Variants in VWA3B observed in about 807,000 individuals in gnomAD.
VWA3B encodes the protein von Willebrand factor A domain containing 3B, also known as von Willebrand factor A domain-containing protein 3B.
In VWA3B, 138 loss-of-function variants were observed where a neutral mutation model predicts 158.3. The ratio of observed to expected loss-of-function variants is 0.87; its 90% confidence interval spans 0.76 to 1.00. The LOEUF (loss-of-function observed/expected upper bound fraction) is 1.00, where lower values mean the gene tolerates loss of function less well. Ranked by LOEUF, VWA3B falls within the 50% of genes least tolerant of loss-of-function variation. The pLI is 0.00. For synonymous variants in VWA3B, 596 were observed against 587.3 expected (o/e 1.01, Z -0.21); for missense variants, 1,555 against 1,565.1 (o/e 0.99, Z 0.11).
At chr2:98,231,823 G>C (rs1328774607) in intron 16 of VWA3B, among the ~76,000 whole-genome samples, 1 of 152,188 alleles carries the variant, frequency 6.6e-6, no homozygotes, top group African/African-American at 2.4e-5. Flanking sequence ...AAGCAGCCTT[G>C]TATATCTTGG....
At position 98,290,657 on chromosome 2, in the gene VWA3B, G is replaced by T. The variant is rs771767897; in HGVS notation, c.3157+35G>T. ...TTTTTTTTAATTTCGTGAGGCTTTTGTTAAATAATTTGATACTAGGGACAA... is the reference window on the plus strand; with the variant it reads ...TTTTTTTTAATTTCGTGAGGCTTTTTTTAAATAATTTGATACTAGGGACAA... On this transcript the variant is annotated intron_variant, in intron 23 of 27. Coordinates refer to ENST00000477737, the MANE Select transcript of VWA3B (RefSeq NM_144992.5). 4.9e-6 allele frequency: 7 copies of T among 1,429,592 alleles called. No homozygotes were observed. The African/African-American group carries it at 1.0e-4, about 21-fold the overall frequency. The allele number at this position is 1,429,592 out of a possible 1,614,324, so 88.6% of individuals were successfully genotyped here.
chr2:98,112,656 A>G (rs1272889475), intron 2 of VWA3B, among the ~76,000 whole-genome samples: 1 of 151,766 alleles, frequency 6.6e-6, no homozygotes, highest in Non-Finnish European at 1.5e-5. Context: ...CACTGGATTT[A>G]TCGAGCTTCT....
At chr2:98,129,352 AAG>A (rs758598269) in intron 6 of VWA3B, among the ~76,000 whole-genome samples, 5 of 148,214 alleles carry the variant, frequency 3.4e-5, no homozygotes, top group East Asian at 2.0e-4. Flanking sequence ...GAGACGGAGA[AAG>A]AGAGAGAGAC....
At chr2:98,219,258 G>A (rs1279939783) in intron 14 of VWA3B, among the ~76,000 whole-genome samples, 8 of 152,164 alleles carry the variant, frequency 5.3e-5, no homozygotes. Flanking sequence ...TCTTGTAACT[G>A]TGGGGGAGAC....
chr2:98,181,154 C>G lies in VWA3B; in HGVS notation c.1253C>G (p.Ala418Gly). Reference protein sequence around the residue: ...DVLADCSFRHADGVVDIKAKP... With the variant: ...DVLADCSFRHGDGVVDIKAKP... ...CTTGCCGACTGCTCTTTCCGCCACG[C>G]TGATGGGGTTGTGGATATAAAAGCC... Residue 418 changes from alanine to glycine, a missense_variant, in exon 9 of 28, where the codon GCT (alanine) becomes GGT (glycine). Physicochemically the swap from Ala to Gly is moderately conservative, Grantham distance 60 (BLOSUM62 0). Transcript: ENST00000477737. 1 of 1,614,210 alleles carries G rather than the reference C, an allele frequency of 6.2e-7. No individual in the cohort carries two copies. The highest frequency in any genetic ancestry group is 8.5e-7 in the Non-Finnish European group (1 of 1,180,038).
chr2:98,302,962 A>G (rs1337993340), intron 25 of VWA3B, among the ~76,000 whole-genome samples: 2 of 152,186 alleles, frequency 1.3e-5, no homozygotes, highest in Non-Finnish European at 2.9e-5. Flanking sequence ...ATCACCCCAG[A>G]AAAAAACCCC....
At chr2:98,199,707 C>T (rs1682368731) in intron 12 of VWA3B, among the ~76,000 whole-genome samples, 2 of 152,178 alleles carry the variant, frequency 1.3e-5, no homozygotes, top group Non-Finnish European at 2.9e-5. Context: ...TGAAGACAGA[C>T]AGTATTTCTG....
rs562427318 is a variant in VWA3B at position 98,215,855 on chromosome 2, C to A, written c.1837-1991C>A. Among the ~76,000 whole-genome samples, 27 of 152,152 alleles carry A rather than the reference C, an allele frequency of 1.8e-4. No homozygotes were observed. In the East Asian group the frequency reaches 4.4e-3, roughly 25 times the overall value. ...TGAGGACTTCCGAATTCAACACCTG[C>A]AAAAAGACTGCCCTTTCGACACACG... is the stretch of plus-strand genomic sequence containing the variant. On this transcript the variant is annotated intron_variant, in intron 13 of 27. Transcript: ENST00000477737.
chr2:98,287,126 TG>T (rs1405808165), intron 22 of VWA3B, among the ~76,000 whole-genome samples: 1 of 152,134 alleles, frequency 6.6e-6, no homozygotes, highest in Non-Finnish European at 1.5e-5. Flanking sequence ...GGAAAATTTT[TG>T]TATTCTTTCT....
chr2:98,275,844 G>C (rs991963888), intron 22 of VWA3B, among the ~76,000 whole-genome samples: 1 of 152,242 alleles, frequency 6.6e-6, no homozygotes, highest in Non-Finnish European at 1.5e-5. Flanking sequence ...AATTTGCAGT[G>C]GGTAGAAGGG....
In VWA3B at chr2:98,236,410, G is replaced by A. The variant is rs1157162506; in HGVS notation, c.2449G>A (p.Glu817Lys). ...CACAGAAATGAGCATCTTGCTGGCT[G>A]AGGAGTGGCTGGATGACAAATCGTC... ...SDKEMSILLA[E>K]EWLDDKSSEK... The change falls in exon 18 of 28, where the codon GAG (glutamate) becomes AAG (lysine). Residue 817 changes from glutamate (E) to lysine (K), a missense_variant. Physicochemically the swap from Glu to Lys is moderately conservative, Grantham distance 56. Coordinates refer to ENST00000477737, the MANE Select transcript of VWA3B (RefSeq NM_144992.5). 20 of 1,614,228 alleles carry A rather than the reference G, an allele frequency of 1.2e-5. No individual in the cohort carries two copies. Among genetic ancestry groups the A allele is most frequent in the Non-Finnish European group, 1.5e-5 (18 of 1,180,040 alleles).
chr2:98,090,851 G>C (rs1559524049), intron 1 of VWA3B, among the ~76,000 whole-genome samples: 1 of 151,768 alleles, frequency 6.6e-6, no homozygotes, highest in Non-Finnish European at 1.5e-5. Context: ...GAACTCCTGG[G>C]CTCAAGCAAT....
At chr2:98,228,636 C>T (rs1477088030) in intron 15 of VWA3B, among the ~76,000 whole-genome samples, 1 of 152,134 alleles carries the variant, frequency 6.6e-6, no homozygotes, top group Non-Finnish European at 1.5e-5. Context: ...GGAGCTCTGA[C>T]TCAGGGATCA....
At chr2:98,091,850 A>G (rs1682315359) in intron 1 of VWA3B, among the ~76,000 whole-genome samples, 1 of 152,232 alleles carries the variant, frequency 6.6e-6, no homozygotes, top group South Asian at 2.1e-4. Context: ...TGAATTCTGG[A>G]TACAGAAGTA....
At chr2:98,327,823 A>T in the VWA3B span, among the ~76,000 whole-genome samples, 3 of 152,230 alleles carry the variant, frequency 2.0e-5, no homozygotes, top group Non-Finnish European at 4.4e-5. Flanking sequence ...TGCTTGTTTT[A>T]AAAAACAAGC....
At chr2:98,221,564 G>A (rs541958790) in intron 14 of VWA3B, among the ~76,000 whole-genome samples, 12 of 152,296 alleles carry the variant, frequency 7.9e-5, no homozygotes, top group Admixed American at 5.9e-4. Context: ...CCATCCCTAC[G>A]TGGTGGAAGC....
intron 7 of VWA3B, among the ~76,000 whole-genome samples, chr2:98,157,759 A>C (rs1190368434): frequency 6.6e-6 from 1 of 152,202 alleles, no homozygotes; most frequent in Non-Finnish European, 1.5e-5. Flanking sequence ...TCTTCACCGG[A>C]GAGTCCTGGG....
chr2:98,316,205 G>A (rs192619085), downstream of VWA3B, among the ~76,000 whole-genome samples: 2 of 152,254 alleles, frequency 1.3e-5, no homozygotes, highest in Admixed American at 1.3e-4. Flanking sequence ...TTTACAGTAG[G>A]AGAGCTAAAA....
At chr2:98,275,912 A>C (rs1389781265) in intron 22 of VWA3B, among the ~76,000 whole-genome samples, 1 of 152,222 alleles carries the variant, frequency 6.6e-6, no homozygotes, top group Non-Finnish European at 1.5e-5. Context: ...CCAGATCTTC[A>C]CTGGGAAGGC....
Sources: gnomAD v4.1 joint callset for allele counts (sites outside exome capture counted in the v4.1 genomes callset) on GRCh38, gnomAD v4.1.1 for gene constraint, MANE v1.5 for transcripts, NCBI Gene and HGNC (gene_info 2026-07-23, HGNC 2026-07-21) for gene names.